ADGB: variants seen among roughly 807,000 people sequenced by gnomAD.
The protein encoded by ADGB is androglobin.
In ADGB, 172 loss-of-function variants were observed where a neutral mutation model predicts 210.5. The ratio of observed to expected loss-of-function variants is 0.82; its 90% CI spans 0.72 to 0.93. The LOEUF (loss-of-function observed/expected upper bound fraction) is 0.93, where lower values mean the gene tolerates loss of function less well. ADGB is among the 40% of genes least tolerant of loss of function. The pLI is 0.00. For synonymous variants in ADGB, 658 were observed against 662.7 expected (o/e 0.99, Z 0.11); for missense variants, 2,025 against 1,964.8 (o/e 1.03, Z -0.58).
chr6:146,803,448 T>A (rs1346847736), intron 35 of ADGB: 44 of 1,606,352 alleles, frequency 2.7e-5, no homozygotes, highest in Non-Finnish European at 3.6e-5. Context: ...CAGGGGGCTG[T>A]TTTTTTCTGT....
At position 146,704,625 on chromosome 6, in the gene ADGB, T is replaced by C. The variant is rs117550869; in HGVS notation, c.1707+3555T>C. On this transcript the variant is annotated intron_variant, in intron 13 of 35. Transcript: ENST00000397944. ...ATAATAGTTTGAATTTATTTTTGAC[T>C]CTCTACTCTGTTCCATTGGTCTATT... Among the ~76,000 whole-genome samples, 177 of 152,180 alleles carry C rather than the reference T, an allele frequency of 1.2e-3. 1 individual carries two copies. In the East Asian group the frequency reaches 0.032, roughly 27 times the overall value.
rs747007910 is a variant in ADGB at position 146,784,135 on chromosome 6, CG to C, written c.4036-482del. ...CAAGATATAAATTATAGATAATTCC[CG>C]AGTTTATGGAAATAATCTCAAACTT... is the stretch of plus-strand genomic sequence containing the variant. On this transcript the variant is annotated intron_variant, in intron 30 of 35. Transcript: ENST00000397944. Among the ~76,000 whole-genome samples the C allele has an allele frequency of 6.5e-3, 990 of 152,200 alleles. 5 individuals are homozygous for C. The highest frequency in any genetic ancestry group is 0.011 in the Non-Finnish European group (728 of 67,992).
At position 146,647,145 on chromosome 6, in the gene ADGB, A is replaced by G. The variant is rs1014260048; in HGVS notation, c.330+2280A>G. ...AAACAAACAAACAAAAACACAAAAA[A>G]CAAACAAACAAAAAAAACCAGATTC... On this transcript the variant is annotated intron_variant, in intron 3 of 35. Transcript: ENST00000397944. Among the ~76,000 whole-genome samples the G allele has an allele frequency of 1.1e-4, 17 of 151,518 alleles. No individual in the cohort carries two copies. In the South Asian group the frequency reaches 2.3e-3, roughly 20 times the overall value.
chr6:146,693,266 G>T (rs1323267929), intron 12 of ADGB, among the ~76,000 whole-genome samples: 3 of 152,108 alleles, frequency 2.0e-5, no homozygotes, highest in Non-Finnish European at 4.4e-5. Flanking sequence ...TAAGGCAGGG[G>T]TACTGATCTG....
At chr6:146,777,665 GA>G (rs1370336749) in intron 29 of ADGB, among the ~76,000 whole-genome samples, 3 of 152,316 alleles carry the variant, frequency 2.0e-5, no homozygotes, top group South Asian at 4.1e-4. Flanking sequence ...TAAAGTTTGA[GA>G]ACCACTCTTG....
At chr6:146,753,959 C>A (rs1777363138) in intron 27 of ADGB, among the ~76,000 whole-genome samples, 1 of 151,378 alleles carries the variant, frequency 6.6e-6, no homozygotes, top group Admixed American at 6.6e-5. Context: ...ATTTTTGAGA[C>A]TTTTAAATTC....
chr6:146,675,659 G>C (rs1776074163), intron 8 of ADGB, among the ~76,000 whole-genome samples: 1 of 152,072 alleles, frequency 6.6e-6, no homozygotes, highest in South Asian at 2.1e-4. Context: ...TTCTGTCTCA[G>C]AATTGAGACA....
intron 35 of ADGB, among the ~76,000 whole-genome samples, chr6:146,811,257 AT>A (rs1211417636): frequency 6.6e-6 from 1 of 152,120 alleles, no homozygotes; most frequent in Admixed American, 6.6e-5. Flanking sequence ...ACAAAATGGC[AT>A]TTTTTAAAGC....
At chr6:146,736,720 TC>T (rs1271575278) in intron 23 of ADGB, 129 bp downstream of exon 23, 1 of 501,856 alleles carries the variant, frequency 2.0e-6, no homozygotes, top group Non-Finnish European at 3.5e-6. Context: ...CTTCGGACCT[TC>T]CACAATATTT....
intron 25 of ADGB, among the ~76,000 whole-genome samples, chr6:146,741,686 G>A (rs1258509553): frequency 6.6e-6 from 1 of 151,998 alleles, no homozygotes; most frequent in African/African-American, 2.4e-5. Context: ...TAGTTACATA[G>A]CCACCAACCA....
intron 35 of ADGB, chr6:146,802,792 C>T (rs1395293055): frequency 6.2e-7 from 1 of 1,605,496 alleles, no homozygotes; most frequent in African/African-American, 1.3e-5. Flanking sequence ...TAGATGAAAT[C>T]TCTCAATGTA....
intron 23 of ADGB, 84 bp downstream of exon 23, chr6:146,736,675 G>A (rs905437009): frequency 6.0e-6 from 5 of 831,072 alleles, no homozygotes; most frequent in Non-Finnish European, 5.5e-6. Flanking sequence ...TTTGTTGAGA[G>A]CGCCCCAGTC....
At chr6:146,648,542 A>G (rs1775654172) in intron 3 of ADGB, among the ~76,000 whole-genome samples, 1 of 152,078 alleles carries the variant, frequency 6.6e-6, no homozygotes, top group African/African-American at 2.4e-5. Context: ...GTGACAGGAG[A>G]GAGGGAGAGT....
At chr6:146,729,603 T>G (rs1036749435) in intron 20 of ADGB, among the ~76,000 whole-genome samples, 4 of 152,078 alleles carry the variant, frequency 2.6e-5, no homozygotes, top group Middle Eastern at 3.4e-3. Flanking sequence ...CCTGGCTAAT[T>G]AAAAATAAAC....
intron 23 of ADGB, among the ~76,000 whole-genome samples, chr6:146,738,344 G>A (rs992620345): frequency 6.6e-6 from 1 of 151,734 alleles, no homozygotes; most frequent in African/African-American, 2.4e-5. Flanking sequence ...AACTCTGAAG[G>A]GGAAGAACTT....
intron 10 of ADGB, among the ~76,000 whole-genome samples, chr6:146,689,386 A>T (rs1231004218): frequency 1.3e-5 from 2 of 152,116 alleles, no homozygotes; most frequent in African/African-American, 4.8e-5. Context: ...TGAAAATAAA[A>T]TGAAGTATGT....
At position 146,759,504 on chromosome 6, in the gene ADGB, A is replaced by G. The variant is rs532659268; in HGVS notation, c.3551-4397A>G. 2.6e-5 allele frequency among the ~76,000 whole-genome samples: 4 copies of G among 151,922 alleles called. 1 individual carries two copies. Among genetic ancestry groups the G allele is most frequent in the African/African-American group, 9.6e-5 (4 of 41,530 alleles). ...ATAACTGAGTATGAGGAAGCCCTAT[A>G]GGCTAGGAATAATACAATATTTTAT... On this transcript the variant is annotated intron_variant, in intron 27 of 35. Coordinates refer to ENST00000397944, the MANE Select transcript of ADGB (RefSeq NM_024694.4).
intron 25 of ADGB, among the ~76,000 whole-genome samples, chr6:146,744,536 C>T (rs904579603): frequency 6.6e-6 from 1 of 152,194 alleles, no homozygotes; most frequent in Non-Finnish European, 1.5e-5. Context: ...ATGAGACATG[C>T]TTTTTATGAG....
intron 11 of ADGB, among the ~76,000 whole-genome samples, 171 bp downstream of exon 11, chr6:146,691,461 A>AGTAT (rs1554231910): frequency 5.5e-5 from 1 of 18,242 alleles, no homozygotes; most frequent in African/African-American, 4.7e-4. Flanking sequence ...TATATATAAA[A>AGTAT]ATATATATAT....
Sources: gnomAD v4.1 joint callset for allele counts (sites outside exome capture counted in the v4.1 genomes callset) on GRCh38, gnomAD v4.1.1 for gene constraint, MANE v1.5 for transcripts, NCBI Gene and HGNC (gene_info 2026-07-23, HGNC 2026-07-21) for gene names.